Variants in ARRDC4 observed in about 807,000 individuals in gnomAD.
The protein encoded by ARRDC4 is arrestin domain-containing protein 4.
Under a neutral mutation model 44.6 loss-of-function variants are expected in ARRDC4, and 40 were observed. That is an observed-to-expected ratio of 0.90 (90% CI 0.70 to 1.17). The LOEUF (loss-of-function observed/expected upper bound fraction) is 1.17, where lower values mean the gene tolerates loss of function less well. Among genes scored for constraint, ARRDC4 ranks in the 50% most tolerant of loss-of-function variants. The pLI is 0.00. For missense variants in ARRDC4, 550 were observed against 559.1 expected, an observed-to-expected ratio of 0.98 and a Z score of 0.16; for synonymous variants, 211 against 221.2, an observed-to-expected ratio of 0.95 and a Z score of 0.41.
chr15:97,970,399 GCTA>G lies in ARRDC4; in HGVS notation c.1046-189_1046-187del. Reference sequence around the variant, plus strand: ...TATATCTCAAGAGACTAGAATAGAAGCTATTAGTAGTAGTTTAATAAAAGGAGA... The same window carrying G: ...TATATCTCAAGAGACTAGAATAGAAGTTAGTAGTAGTTTAATAAAAGGAGA... On this transcript the variant is annotated intron_variant, in intron 6 of 7. Coordinates refer to ENST00000268042, the MANE Select transcript of ARRDC4 (RefSeq NM_183376.3). This position sits in a 1 kb window ranked among gnomAD's most constrained non-coding sequence, Gnocchi z 4.2. Among the ~76,000 whole-genome samples, 1 of 151,914 alleles carries G rather than the reference GCTA, an allele frequency of 6.6e-6. No homozygotes were observed. Among genetic ancestry groups the G allele is most frequent in the East Asian group, 1.9e-4 (1 of 5,180 alleles).
In ARRDC4 at chr15:97,961,060, TG is replaced by T; in HGVS notation, c.203del (p.Gly68AlafsTer24). On this transcript the variant is annotated frameshift_variant, in exon 1 of 8. Coordinates refer to ENST00000268042, the MANE Select transcript of ARRDC4 (RefSeq NM_183376.3). LOFTEE classifies it high-confidence loss of function. ...GGCCCAGGGGCGCGCCACCGCCGCC[TG>T]GGGCCCGAGCACCTGCCCCCGCGCC... ...LEAQGRATAA[W>X]GPSTCPRASA... The T allele has an allele frequency of 7.0e-7, 1 of 1,428,486 alleles. No individual in the cohort carries two copies. 88.5% of individuals were successfully genotyped at this position (1,428,486 alleles called of 1,614,324 possible).
rs1899544293 is a variant in ARRDC4, at chr15:97,973,199, A to G, written c.*2012A>G. 6.6e-6 allele frequency: 1 copy of G among 152,542 alleles called. No homozygotes were observed. Among genetic ancestry groups the G allele is most frequent in the Non-Finnish European group, 1.5e-5 (1 of 68,036 alleles). 9.4% of individuals were successfully genotyped at this position (152,542 alleles called of 1,614,324 possible). A position where few individuals can be genotyped will look rare whatever the true frequency, so the allele number is the denominator to read the frequency against. On this transcript the variant is annotated 3_prime_UTR_variant, in exon 8 of 8. Coordinates refer to ENST00000268042, the MANE Select transcript of ARRDC4 (RefSeq NM_183376.3). ...ATACTAAAACATAATGAAAGAAACAAACTCCAGTATGGAGAAGAGAAAGTT... is the reference window on the plus strand; with the variant it reads ...ATACTAAAACATAATGAAAGAAACAGACTCCAGTATGGAGAAGAGAAAGTT...
In ARRDC4 at chr15:97,965,976, T is replaced by C. The variant is rs1899413823; in HGVS notation, c.456T>C (p.Pro152=). The change falls in exon 3 of 8, where the codon CCT becomes CCC. Residue 152 remains proline (P), a synonymous_variant. Coordinates refer to ENST00000268042, the MANE Select transcript of ARRDC4 (RefSeq NM_183376.3). The surrounding 1 kb of genome is among the most constrained non-coding windows in gnomAD (Gnocchi z 5.1). ...VRAVLERPKV[P]DQSVKRELQV... Reference sequence around the variant, plus strand: ...CAGTGTTGGAACGACCCAAGGTACCTGATCAGAGTGTAAAGCGGGAACTCC... The same window carrying C: ...CAGTGTTGGAACGACCCAAGGTACCCGATCAGAGTGTAAAGCGGGAACTCC... 1.2e-6 allele frequency: 2 copies of C among 1,614,196 alleles called. No homozygotes were observed. The highest frequency in any genetic ancestry group is 2.2e-5 in the East Asian group (1 of 44,882).
Position 97,972,590 on chromosome 15 carries a change from A to G in ARRDC4, c.*1403A>G, listed in dbSNP as rs2141538634. ...TTGTGAGCTGAGAGCATCTCTGGAC[A>G]CATGGAAGGGAGCCAGGGATTCCTG... is the stretch of plus-strand genomic sequence containing the variant. On this transcript the variant is annotated 3_prime_UTR_variant, in exon 8 of 8. Transcript: ENST00000268042. This position sits in a 1 kb window ranked among gnomAD's most constrained non-coding sequence, Gnocchi z 5.3. 6.6e-6 allele frequency: 1 copy of G among 152,656 alleles called. No individual in the cohort carries two copies. The highest frequency in any genetic ancestry group is 6.5e-5 in the Admixed American group (1 of 15,284). 9.5% of individuals were successfully genotyped at this position (152,656 alleles called of 1,614,324 possible).
chr15:97,970,561 C>A lies in ARRDC4; in HGVS notation c.1046-28C>A. The A allele has an allele frequency of 1.3e-6, 2 of 1,582,764 alleles. No individual in the cohort carries two copies. The highest frequency in any genetic ancestry group is 1.7e-6 in the Non-Finnish European group (2 of 1,159,954). ...TCGAGATTAATTTTTGAGTGGATTT[C>A]TTAACTCCAACTTCATTTCTATTTC... On this transcript the variant is annotated intron_variant, in intron 6 of 7. Coordinates refer to ENST00000268042, the MANE Select transcript of ARRDC4 (RefSeq NM_183376.3). This position sits in a 1 kb window ranked among gnomAD's most constrained non-coding sequence, Gnocchi z 4.2.
In ARRDC4 at chr15:97,960,938, A is replaced by G; in HGVS notation, c.77A>G (p.Asp26Gly). 1 of 1,466,976 alleles carries G rather than the reference A, an allele frequency of 6.8e-7. No individual in the cohort carries two copies. Among genetic ancestry groups the G allele is most frequent in the Non-Finnish European group, 9.0e-7 (1 of 1,106,376 alleles). The allele number at this position is 1,466,976 out of a possible 1,614,324, so 90.9% of individuals were successfully genotyped here. A position where few individuals can be genotyped will look rare whatever the true frequency, so the allele number is the denominator to read the frequency against. ...AAGAGCCTGGGTCTGGTGTTCGAGG[A>G]CGAGCGCAAGGGCTGCTATTCCAGC... ...RVKSLGLVFE[D>G]ERKGCYSSGE... Residue 26 changes from aspartate (D) to glycine (G), a missense_variant, in exon 1 of 8, where the codon GAC (aspartate) becomes GGC (glycine). Physicochemically the swap from Asp to Gly is moderately conservative, Grantham distance 94 (BLOSUM62 -1). Coordinates refer to ENST00000268042, the MANE Select transcript of ARRDC4 (RefSeq NM_183376.3).
In ARRDC4 at chr15:97,971,421, C is replaced by A; in HGVS notation, c.*234C>A. 2.0e-6 allele frequency: 1 copy of A among 501,884 alleles called. No individual in the cohort carries two copies. Among genetic ancestry groups the A allele is most frequent in the African/African-American group, 1.9e-5 (1 of 51,422 alleles). 31.1% of individuals were successfully genotyped at this position (501,884 alleles called of 1,614,324 possible). On this transcript the variant is annotated 3_prime_UTR_variant, in exon 8 of 8. Coordinates refer to ENST00000268042, the MANE Select transcript of ARRDC4 (RefSeq NM_183376.3). ...TGTTAAAAACTGGGATGAAGATGTG[C>A]AAAGTCACAGAATGTAATGGAAGTC...
At position 97,960,866 on chromosome 15, in the gene ARRDC4, G is replaced by T. The variant is rs746431220; in HGVS notation, c.5G>T (p.Gly2Val). Residue 2 changes from glycine to valine, a missense_variant, in exon 1 of 8, where the codon GGC becomes GTC. Gly to Val is a moderately radical substitution (Grantham distance 109, BLOSUM62 -3). Transcript: ENST00000268042. M[G>V]GEAGCAAAVG... is the part of the protein sequence containing the mutation. ...AGGAAAGAGTCGCCCGGCGGGATGG[G>T]CGGGGAGGCTGGGTGCGCGGCGGCC... 7.3e-7 allele frequency: 1 copy of T among 1,368,306 alleles called. No homozygotes were observed. 84.8% of individuals were successfully genotyped at this position (1,368,306 alleles called of 1,614,324 possible).
rs1191092747 is a variant in ARRDC4 at position 97,965,939 on chromosome 15, A to C, written c.419A>C (p.Tyr140Ser). The C allele has an allele frequency of 6.2e-7, 1 of 1,614,198 alleles. No homozygotes were observed. Reference sequence around the variant, plus strand: ...ACTGGGAAATATGGAAGCATTCAGTACTGTGTGCGGGCAGTGTTGGAACGA... The same window carrying C: ...ACTGGGAAATATGGAAGCATTCAGTCCTGTGTGCGGGCAGTGTTGGAACGA... ...SFTGKYGSIQYCVRAVLERPK... is the reference protein window; with the variant it reads ...SFTGKYGSIQSCVRAVLERPK... The change falls in exon 3 of 8, where the codon TAC (tyrosine) becomes TCC (serine). Residue 140 changes from tyrosine (Y) to serine (S), a missense_variant. Transcript: ENST00000268042. The surrounding 1 kb of genome is among the most constrained non-coding windows in gnomAD (Gnocchi z 5.1).
Position 97,966,066 on chromosome 15 carries a change from C to T in ARRDC4, c.522+24C>T. 1 of 1,612,048 alleles carries T rather than the reference C, an allele frequency of 6.2e-7. No individual in the cohort carries two copies. The highest frequency in any genetic ancestry group is 1.1e-5 in the South Asian group (1 of 90,832). On this transcript the variant is annotated intron_variant, in intron 3 of 7. Coordinates refer to ENST00000268042, the MANE Select transcript of ARRDC4 (RefSeq NM_183376.3). This position sits in a 1 kb window ranked among gnomAD's most constrained non-coding sequence, Gnocchi z 4.7. Reference sequence around the variant, plus strand: ...TAGTAAGTTCTTCCTTTTTCTCTTCCTCCTCCTTTTCCTCCTTCCCTCCCT... The same window carrying T: ...TAGTAAGTTCTTCCTTTTTCTCTTCTTCCTCCTTTTCCTCCTTCCCTCCCT...
chr15:97,961,233 C>A, intron 1 of ARRDC4, 65 bp downstream of exon 1: 1 of 1,317,228 alleles, frequency 7.6e-7, no homozygotes, highest in South Asian at 2.0e-5. Context: ...GGCTGGGAGG[C>A]CGCGCACCCT....
rs112656939 is a variant in ARRDC4, at chr15:97,966,043, G to A, written c.522+1G>A. On this transcript the variant is annotated splice_donor_variant, in intron 3 of 7. Transcript: ENST00000268042. LOFTEE classifies it high-confidence loss of function. The surrounding 1 kb of genome is among the most constrained non-coding windows in gnomAD (Gnocchi z 4.7). ...CGATGTCAACACACCAGCATTATTAGTAAGTTCTTCCTTTTTCTCTTCCTC... is the reference window on the plus strand; with the variant it reads ...CGATGTCAACACACCAGCATTATTAATAAGTTCTTCCTTTTTCTCTTCCTC... 6.2e-7 allele frequency: 1 copy of A among 1,613,952 alleles called. No individual in the cohort carries two copies. The highest frequency in any genetic ancestry group is 8.5e-7 in the Non-Finnish European group (1 of 1,179,946).
Position 97,960,850 on chromosome 15 carries a change from T to TC in ARRDC4, c.-11dup, listed in dbSNP as rs1567192161. 1 of 1,334,358 alleles carries TC rather than the reference T, an allele frequency of 7.5e-7. No individual in the cohort carries two copies. Among genetic ancestry groups the TC allele is most frequent in the East Asian group, 3.1e-5 (1 of 31,920 alleles). 82.7% of individuals were successfully genotyped at this position (1,334,358 alleles called of 1,614,324 possible). A position where few individuals can be genotyped will look rare whatever the true frequency, so the allele number is the denominator to read the frequency against. On this transcript the variant is annotated 5_prime_UTR_variant, in exon 1 of 8. Coordinates refer to ENST00000268042, the MANE Select transcript of ARRDC4 (RefSeq NM_183376.3). Reference sequence around the variant, plus strand: ...TGCCGACCTCAGGGGCAGGAAAGAGTCGCCCGGCGGGATGGGCGGGGAGGC... The same window carrying TC: ...TGCCGACCTCAGGGGCAGGAAAGAGTCCGCCCGGCGGGATGGGCGGGGAGGC...
In ARRDC4 at chr15:97,966,492, C is replaced by T. The variant is rs1899421767; in HGVS notation, c.522+450C>T. 6.6e-6 allele frequency among the ~76,000 whole-genome samples: 1 copy of T among 152,118 alleles called. No individual in the cohort carries two copies. Among genetic ancestry groups the T allele is most frequent in the South Asian group, 2.1e-4 (1 of 4,826 alleles). On this transcript the variant is annotated intron_variant, in intron 3 of 7. Coordinates refer to ENST00000268042, the MANE Select transcript of ARRDC4 (RefSeq NM_183376.3). This position sits in a 1 kb window ranked among gnomAD's most constrained non-coding sequence, Gnocchi z 4.7. ...TGTTATTGAAGCTCAGGCCATTATG[C>T]TATGTATCCTTCCATTTTGCATGTC...
At position 97,972,266 on chromosome 15, in the gene ARRDC4, C is replaced by T. The variant is rs1338273916; in HGVS notation, c.*1079C>T. The T allele has an allele frequency of 6.6e-6, 1 of 152,444 alleles. No homozygotes were observed. The highest frequency in any genetic ancestry group is 1.5e-5 in the Non-Finnish European group (1 of 67,978). The allele number at this position is 152,444 out of a possible 1,614,324, so 9.4% of individuals were successfully genotyped here. A position where few individuals can be genotyped will look rare whatever the true frequency, so the allele number is the denominator to read the frequency against. ...CCTAAGAGAATGTCAAAATAAACAC[C>T]AAACCAAAAGAAGGTAGGAGTGCCA... is the stretch of plus-strand genomic sequence containing the variant. On this transcript the variant is annotated 3_prime_UTR_variant, in exon 8 of 8. Coordinates refer to ENST00000268042, the MANE Select transcript of ARRDC4 (RefSeq NM_183376.3). This position sits in a 1 kb window ranked among gnomAD's most constrained non-coding sequence, Gnocchi z 5.3.
rs1899510294 is a variant in ARRDC4, at chr15:97,971,275, T to A, written c.*88T>A. 3.8e-6 allele frequency: 5 copies of A among 1,316,690 alleles called. No homozygotes were observed. The highest frequency in any genetic ancestry group is 5.4e-6 in the Non-Finnish European group (5 of 918,164). 81.6% of individuals were successfully genotyped at this position (1,316,690 alleles called of 1,614,324 possible). A position where few individuals can be genotyped will look rare whatever the true frequency, so the allele number is the denominator to read the frequency against. ...TTTTTGGGAAAGAGACAGGAAAGAT[T>A]CACTTGAAAACATAAATGAACGTCA... On this transcript the variant is annotated 3_prime_UTR_variant, in exon 8 of 8. Coordinates refer to ENST00000268042, the MANE Select transcript of ARRDC4 (RefSeq NM_183376.3).
Position 97,961,163 on chromosome 15 carries a change from C to A in ARRDC4, c.302C>A (p.Pro101Gln). 7.0e-7 allele frequency: 1 copy of A among 1,433,534 alleles called. No homozygotes were observed. The highest frequency in any genetic ancestry group is 9.1e-7 in the Non-Finnish European group (1 of 1,104,146). The allele number at this position is 1,433,534 out of a possible 1,614,324, so 88.8% of individuals were successfully genotyped here. ...LNVRLSLREP[P>Q]AGEGIILLQP... The stretch of plus-strand genomic sequence containing the variant: ...GTGCGCCTCAGCCTGCGGGAGCCCC[C>A]GGCCGGTAAGCGCAGGCGAGCGCCT... The change falls in exon 1 of 8, where the codon CCG becomes CAG. Residue 101 changes from proline (P) to glutamine (Q), a missense_variant. By Grantham distance (76) the Pro-to-Gln change is moderately conservative. Transcript: ENST00000268042.
In ARRDC4 at chr15:97,969,019, T is replaced by G. The variant is rs1158710434; in HGVS notation, c.626-104T>G. 4.1e-6 allele frequency: 5 copies of G among 1,213,236 alleles called. No homozygotes were observed. The Admixed American group carries it at 1.1e-4, about 28-fold the overall frequency. The allele number at this position is 1,213,236 out of a possible 1,614,324, so 75.2% of individuals were successfully genotyped here. On this transcript the variant is annotated intron_variant, in intron 4 of 7. Coordinates refer to ENST00000268042, the MANE Select transcript of ARRDC4 (RefSeq NM_183376.3). ...TGTTTTCCATCAAAGCTTCTCAATT[T>G]GTTAAAGTGATGTTGGAACATTTCA... is the stretch of plus-strand genomic sequence containing the variant.
Position 97,967,989 on chromosome 15 carries a change from T to A in ARRDC4, c.523-25T>A. The A allele has an allele frequency of 1.3e-6, 2 of 1,491,400 alleles. No individual in the cohort carries two copies. Among genetic ancestry groups the A allele is most frequent in the Non-Finnish European group, 1.8e-6 (2 of 1,087,246 alleles). 92.4% of individuals were successfully genotyped at this position (1,491,400 alleles called of 1,614,324 possible). A position where few individuals can be genotyped will look rare whatever the true frequency, so the allele number is the denominator to read the frequency against. On this transcript the variant is annotated intron_variant, in intron 3 of 7. Coordinates refer to ENST00000268042, the MANE Select transcript of ARRDC4 (RefSeq NM_183376.3). The surrounding 1 kb of genome is among the most constrained non-coding windows in gnomAD (Gnocchi z 5.0). ...TTCTCTAGAGTGGCTTAATTAAGGT[T>A]GTTTTATTGTTTGAAATTTTCAAGA...
Sources: gnomAD v4.1 joint callset for allele counts (sites outside exome capture counted in the v4.1 genomes callset) on GRCh38, gnomAD v4.1.1 for gene constraint, Gnocchi (gnomAD v3.1) non-coding constraint, MANE v1.5 for transcripts, NCBI Gene and HGNC (gene_info 2026-07-23, HGNC 2026-07-21) for gene names.